Variants in TCF7L1 observed in about 807,000 individuals in gnomAD.
TCF7L1 encodes the protein transcription factor 7 like 1.
Under a neutral mutation model 63.7 loss-of-function variants are expected in TCF7L1, and 18 were observed. The ratio of observed to expected loss-of-function variants is 0.28; its 90% CI spans 0.20 to 0.42. The LOEUF is 0.42. TCF7L1 is among the 10% of genes least tolerant of loss of function. The pLI is 1.00. For missense variants in TCF7L1, 654 were observed against 779.3 expected (o/e 0.84, Z 1.91); for synonymous variants, 355 against 340.9 (o/e 1.04, Z -0.46).
intron 3 of TCF7L1, among the ~76,000 whole-genome samples, chr2:85,253,556 G>C (rs191779905): frequency 6.6e-6 from 1 of 152,236 alleles, no homozygotes; most frequent in African/African-American, 2.4e-5. Context: ...ACCTTATATA[G>C]GAACTGTCTG....
chr2:85,225,888 A>G (rs1679944518), intron 3 of TCF7L1, among the ~76,000 whole-genome samples: 2 of 152,218 alleles, frequency 1.3e-5, no homozygotes, highest in South Asian at 4.1e-4. Flanking sequence ...GTTTTTGCTC[A>G]TTCAGTATGA....
intron 3 of TCF7L1, among the ~76,000 whole-genome samples, chr2:85,207,509 A>C (rs1031022166): frequency 6.6e-6 from 1 of 152,082 alleles, no homozygotes; most frequent in African/African-American, 2.4e-5. Context: ...CCAAGAGCAA[A>C]TACTGTGTCT....
At chr2:85,191,777 A>AT (rs913380269) in intron 3 of TCF7L1, among the ~76,000 whole-genome samples, 20 of 149,990 alleles carry the variant, frequency 1.3e-4, no homozygotes, top group Non-Finnish European at 1.8e-4. Flanking sequence ...GTGAGCTGAG[A>AT]TTTTGTCACT....
At chr2:85,298,316 C>G (rs1681881870) in intron 4 of TCF7L1, among the ~76,000 whole-genome samples, 1 of 151,094 alleles carries the variant, frequency 6.6e-6, no homozygotes, top group Non-Finnish European at 1.5e-5. Flanking sequence ...CATGGTGAAA[C>G]CCCGTCTCTA....
At chr2:85,191,867 A>G (rs908078674) in intron 3 of TCF7L1, among the ~76,000 whole-genome samples, 1 of 151,984 alleles carries the variant, frequency 6.6e-6, no homozygotes, top group Non-Finnish European at 1.5e-5. Flanking sequence ...TCCTCATTGG[A>G]TGTGACCAAC....
intron 7 of TCF7L1, among the ~76,000 whole-genome samples, chr2:85,304,576 C>T (rs1029755312): frequency 1.3e-5 from 2 of 152,200 alleles, no homozygotes; most frequent in African/African-American, 4.8e-5. Context: ...TAGCACTCTG[C>T]CTCCTGCCAT....
intron 4 of TCF7L1, among the ~76,000 whole-genome samples, chr2:85,285,639 C>T (rs953361313): frequency 1.3e-5 from 2 of 152,220 alleles, no homozygotes; most frequent in Non-Finnish European, 2.9e-5. Context: ...GCACGAGGCG[C>T]GGGTGCCCTC....
chr2:85,267,868 T>G (rs1681018071), intron 3 of TCF7L1, among the ~76,000 whole-genome samples: 1 of 152,146 alleles, frequency 6.6e-6, no homozygotes, highest in Non-Finnish European at 1.5e-5. Context: ...TATCCAAGAT[T>G]TATGCAGACA....
chr2:85,142,486 A>G (rs1383266796), intron 3 of TCF7L1, among the ~76,000 whole-genome samples: 1 of 149,264 alleles, frequency 6.7e-6, no homozygotes, highest in Non-Finnish European at 1.5e-5. Context: ...TATATAATAT[A>G]TATATATATA....
intron 6 of TCF7L1, 93 bp from the exon 7 acceptor site, chr2:85,304,162 C>T (rs2104388834): frequency 7.2e-7 from 1 of 1,397,090 alleles, no homozygotes. Flanking sequence ...TTCCCGCTTC[C>T]TTCCCATATT....
rs375996937 is a variant in TCF7L1, at chr2:85,309,245, T to C, written c.1550T>C (p.Leu517Pro). 1.4e-5 allele frequency: 22 copies of C among 1,613,910 alleles called. No individual in the cohort carries two copies. The African/African-American group carries it at 2.0e-4, about 15-fold the overall frequency. ...CCAGAAACCCGGGCCCAGCTGGCTC[T>C]CCACTCTGCCGCCTTCCTGTCGGCT... is the stretch of plus-strand genomic sequence containing the variant. Reference protein sequence around the residue: ...TKPETRAQLALHSAAFLSAKA... With the variant: ...TKPETRAQLAPHSAAFLSAKA... Residue 517 changes from leucine (L) to proline (P), a missense_variant, in exon 12 of 12, where the codon CTC becomes CCC. Leu to Pro is a moderately conservative substitution (Grantham distance 98). This residue lies in a region of TCF7L1 where 184 missense variants were observed against 204.0 expected (regional missense o/e 0.90). Transcript: ENST00000282111.
At chr2:85,135,480 G>T (rs1214308445) in intron 3 of TCF7L1, among the ~76,000 whole-genome samples, 3 of 152,190 alleles carry the variant, frequency 2.0e-5, no homozygotes, top group African/African-American at 7.2e-5. Context: ...GGTGGGTAAG[G>T]GGGCAGGGAG....
At chr2:85,176,523 T>C (rs1678680495) in intron 3 of TCF7L1, among the ~76,000 whole-genome samples, 2 of 152,246 alleles carry the variant, frequency 1.3e-5, no homozygotes, top group African/African-American at 4.8e-5. Context: ...TCCTCTTTCA[T>C]GTCCCTGGCT....
intron 3 of TCF7L1, among the ~76,000 whole-genome samples, chr2:85,270,792 C>T (rs563203159): frequency 1.6e-4 from 24 of 152,126 alleles, no homozygotes; most frequent in African/African-American, 5.5e-4. Context: ...AGGGCTGAGT[C>T]GATCCTCCCA....
At chr2:85,277,129 GC>G (rs1681291416) in intron 3 of TCF7L1, among the ~76,000 whole-genome samples, 1 of 151,910 alleles carries the variant, frequency 6.6e-6, no homozygotes, top group South Asian at 2.1e-4. Context: ...GAGTTTGGGG[GC>G]TTTATCTCTT....
intron 3 of TCF7L1, among the ~76,000 whole-genome samples, chr2:85,251,892 A>G (rs540392350): frequency 1.6e-4 from 24 of 152,274 alleles, no homozygotes; most frequent in Non-Finnish European, 2.8e-4. Context: ...TGGGTAACAC[A>G]GCAAAACCCC....
At chr2:85,274,047 A>T (rs1053751257) in intron 3 of TCF7L1, among the ~76,000 whole-genome samples, 1 of 152,148 alleles carries the variant, frequency 6.6e-6, no homozygotes, top group African/African-American at 2.4e-5. Context: ...GTAGATTCCC[A>T]GGCACACAGC....
chr2:85,222,348 AAAAC>A (rs1402949492), intron 3 of TCF7L1, among the ~76,000 whole-genome samples: 110 of 147,694 alleles, frequency 7.4e-4, no homozygotes, highest in South Asian at 3.1e-3. Flanking sequence ...CTCAAAAAAA[AAAAC>A]AAACAAACAA....
At chr2:85,188,287 A>G (rs1003397215) in intron 3 of TCF7L1, among the ~76,000 whole-genome samples, 15 of 152,230 alleles carry the variant, frequency 9.9e-5, no homozygotes, top group African/African-American at 3.6e-4. Context: ...GAGTGTTTGT[A>G]AAACTGGTGA....
Sources: allele counts gnomAD v4.1 joint callset (sites outside exome capture counted in the v4.1 genomes callset), GRCh38; gene constraint gnomAD v4.1.1; regional missense constraint gnomAD v4.1.1; transcripts MANE v1.5; gene names NCBI Gene and HGNC (gene_info 2026-07-23, HGNC 2026-07-21).